GABRG3: variants seen among roughly 807,000 people sequenced by gnomAD.
GABRG3 encodes the protein gamma-aminobutyric acid type A receptor subunit gamma3, also known as gamma-aminobutyric acid receptor subunit gamma-3.
GABRG3 carries 25 observed loss-of-function variants against 48.8 expected under a neutral mutation model. The observed-to-expected ratio is 0.51, with a 90% CI of 0.37 to 0.72. The LOEUF is 0.72. Among genes scored for constraint, GABRG3 ranks in the 30% least tolerant of loss-of-function variants. The pLI is 0.00. For synonymous variants in GABRG3, 227 were observed against 217.6 expected, an observed-to-expected ratio of 1.04 and a Z score of -0.38; for missense variants, 394 against 577.9, an observed-to-expected ratio of 0.68 and a Z score of 3.26.
Position 27,096,620 on chromosome 15 carries a change from A to T in GABRG3, c.270+69799A>T, listed in dbSNP as rs566496573. ...TTGTATCTTCTGGGAGGGACCAATAACTATAAGATACTAACTTCTGTTTGC... is the reference window on the plus strand; with the variant it reads ...TTGTATCTTCTGGGAGGGACCAATATCTATAAGATACTAACTTCTGTTTGC... On this transcript the variant is annotated intron_variant, in intron 3 of 9. Coordinates refer to ENST00000615808, the MANE Select transcript of GABRG3 (RefSeq NM_033223.5). 4.6e-5 allele frequency among the ~76,000 whole-genome samples: 7 copies of T among 152,288 alleles called. No homozygotes were observed. The South Asian group carries it at 1.5e-3, about 32-fold the overall frequency.
chr15:27,024,103 A>G (rs908202611), intron 2 of GABRG3, among the ~76,000 whole-genome samples: 6 of 152,054 alleles, frequency 3.9e-5, no homozygotes, highest in African/African-American at 9.7e-5. Flanking sequence ...GTCTGCTTGT[A>G]TATCTTCTTG....
At chr15:27,278,296 C>T (rs1245073965) in intron 3 of GABRG3, among the ~76,000 whole-genome samples, 5 of 152,050 alleles carry the variant, frequency 3.3e-5, no homozygotes, top group South Asian at 2.1e-4. Context: ...GTGATCCGCC[C>T]GCCTCGGCCT....
At chr15:27,206,121 T>C (rs908447455) in intron 3 of GABRG3, among the ~76,000 whole-genome samples, 3 of 152,188 alleles carry the variant, frequency 2.0e-5, no homozygotes, top group Admixed American at 2.0e-4. Context: ...CTCTTGTTTT[T>C]CTAGTTCCTC....
At chr15:27,136,633 GA>G (rs1898012804) in intron 3 of GABRG3, among the ~76,000 whole-genome samples, 1 of 152,110 alleles carries the variant, frequency 6.6e-6, no homozygotes, top group African/African-American at 2.4e-5. Flanking sequence ...CTTGAATTCT[GA>G]TTATGTGGAA....
At chr15:27,270,337 G>A (rs758868751) in intron 3 of GABRG3, among the ~76,000 whole-genome samples, 6 of 152,126 alleles carry the variant, frequency 3.9e-5, no homozygotes, top group African/African-American at 7.2e-5. Flanking sequence ...ACGAACGTTG[G>A]TGTTGGTGTG....
chr15:27,470,527 CTT>C (rs112693265), intron 5 of GABRG3, among the ~76,000 whole-genome samples: 11 of 143,456 alleles, frequency 7.7e-5, no homozygotes, highest in Admixed American at 7.1e-5. Flanking sequence ...GGGTGTAATC[CTT>C]TTTTTTTTTT....
intron 3 of GABRG3, among the ~76,000 whole-genome samples, chr15:27,114,604 T>G (rs1451704836): frequency 1.3e-5 from 2 of 152,252 alleles, no homozygotes; most frequent in Non-Finnish European, 2.9e-5. Flanking sequence ...TTTAAAATGT[T>G]GACTTGAAAA....
intron 2 of GABRG3, among the ~76,000 whole-genome samples, chr15:26,991,956 G>A (rs1468166446): frequency 2.0e-5 from 3 of 152,104 alleles, no homozygotes; most frequent in African/African-American, 7.2e-5. Flanking sequence ...TCCTGACCTC[G>A]TGATCCTCCT....
At chr15:27,216,753 T>TATTTATTTATTTA (rs1889265617) in intron 3 of GABRG3, among the ~76,000 whole-genome samples, 4 of 113,340 alleles carry the variant, frequency 3.5e-5, no homozygotes, top group Non-Finnish European at 6.9e-5. Flanking sequence ...TTTTATTTTT[T>TATTTATTTATTTA]ATTTATTTAT....
intron 6 of GABRG3, among the ~76,000 whole-genome samples, chr15:27,511,215 A>G (rs1890887630): frequency 6.6e-6 from 1 of 152,256 alleles, no homozygotes; most frequent in South Asian, 2.1e-4. Flanking sequence ...ATTATCTACA[A>G]TTCTTTTGTA....
chr15:27,442,335 C>A (rs1888814560), intron 5 of GABRG3, among the ~76,000 whole-genome samples: 2 of 152,246 alleles, frequency 1.3e-5, no homozygotes. Flanking sequence ...GCACTCCATA[C>A]CCACAGCCTC....
At chr15:27,254,699 C>G (rs1337139944) in intron 3 of GABRG3, among the ~76,000 whole-genome samples, 1 of 152,068 alleles carries the variant, frequency 6.6e-6, no homozygotes, top group Non-Finnish European at 1.5e-5. Flanking sequence ...TTTGTGAGAG[C>G]TCCCAAAGGC....
At position 26,976,058 on chromosome 15, in the gene GABRG3, T is replaced by C. The variant is rs1313197831; in HGVS notation, c.54-944T>C. Among the ~76,000 whole-genome samples the C allele has an allele frequency of 6.6e-6, 1 of 151,968 alleles. No homozygotes were observed. The highest frequency in any genetic ancestry group is 2.4e-5 in the African/African-American group (1 of 41,364). ...CTCACTCATTGAGAAAACCAGCTTG[T>C]CAAGTACAAGTGTGTGCCAATTATA... On this transcript the variant is annotated intron_variant, in intron 1 of 9. Transcript: ENST00000615808. The surrounding 1 kb of genome is among the most constrained non-coding windows in gnomAD (Gnocchi z 7.8).
At chr15:27,350,124 C>T (rs1045176094) in intron 5 of GABRG3, 2 of 455,874 alleles carry the variant, frequency 4.4e-6, no homozygotes, top group African/African-American at 2.0e-5. Context: ...CTCACTTTCC[C>T]AGCCACCATC....
At chr15:27,007,146 C>G (rs553345336) in intron 2 of GABRG3, among the ~76,000 whole-genome samples, 31 of 151,156 alleles carry the variant, frequency 2.1e-4, no homozygotes, top group African/African-American at 6.8e-4. Flanking sequence ...GTGGCATAAT[C>G]TTGGCTCACT....
At chr15:27,072,109 A>G (rs910033004) in intron 3 of GABRG3, among the ~76,000 whole-genome samples, 1 of 152,140 alleles carries the variant, frequency 6.6e-6, no homozygotes, top group African/African-American at 2.4e-5. Flanking sequence ...CCCACCTCCA[A>G]TCATGCTTTC....
intron 3 of GABRG3, among the ~76,000 whole-genome samples, chr15:27,186,722 C>T (rs6422900): frequency 0.59 from 90,202 of 151,944 alleles, 27,567 homozygotes; most frequent in East Asian, 0.81. Flanking sequence ...GATAGTATCT[C>T]ATTGTGGTTT....
At chr15:27,470,527 C>T (rs993882959) in intron 5 of GABRG3, among the ~76,000 whole-genome samples, 27 of 143,548 alleles carry the variant, frequency 1.9e-4, no homozygotes, top group Admixed American at 2.1e-4. Flanking sequence ...GGGTGTAATC[C>T]TTTTTTTTTT....
chr15:27,355,298 G>C (rs75021926), intron 5 of GABRG3, among the ~76,000 whole-genome samples: 1,531 of 152,202 alleles, frequency 0.01, 30 homozygotes, highest in African/African-American at 0.035. Context: ...CAAACATAAG[G>C]TAATTAAAAA....
Sources: allele counts gnomAD v4.1 joint callset (sites outside exome capture counted in the v4.1 genomes callset), GRCh38; gene constraint gnomAD v4.1.1; non-coding constraint Gnocchi (gnomAD v3.1); transcripts MANE v1.5; gene names NCBI Gene and HGNC (gene_info 2026-07-23, HGNC 2026-07-21).